The following KCTD7 variants were observed in gnomAD, a reference collection of about 807,000 sequenced individuals.
The protein encoded by KCTD7 is potassium channel tetramerization domain containing 7.
KCTD7 carries 15 observed loss-of-function variants against 27.0 expected under a neutral mutation model. The observed-to-expected ratio is 0.56, with a 90% CI of 0.37 to 0.86. KCTD7 has a LOEUF of 0.86. Ranked by LOEUF, KCTD7 falls within the 40% of genes least tolerant of loss-of-function variation. KCTD7 has a pLI of 0.00. For missense variants in KCTD7, 299 were observed against 398.9 expected, an observed-to-expected ratio of 0.75 and a Z score of 2.13; for synonymous variants, 159 against 162.7, an observed-to-expected ratio of 0.98 and a Z score of 0.17.
At position 66,638,708 on chromosome 7, in the gene KCTD7, C is replaced by G. The variant is rs1786642257; in HGVS notation, c.494-148C>G. On this transcript the variant is annotated intron_variant, in intron 3 of 3. Transcript: ENST00000639828. ...ACCGTGACCCTTGTTTAAGTTTGTGCCCTTCATTGGCCCCCTGAGTCCCTT... is the reference window on the plus strand; with the variant it reads ...ACCGTGACCCTTGTTTAAGTTTGTGGCCTTCATTGGCCCCCTGAGTCCCTT... 7 of 982,944 alleles carry G rather than the reference C, an allele frequency of 7.1e-6. No individual in the cohort carries two copies. In the Admixed American group the frequency reaches 1.1e-4, roughly 16 times the overall value. 60.9% of individuals were successfully genotyped at this position (982,944 alleles called of 1,614,324 possible).
In KCTD7 at chr7:66,638,998, T is replaced by A. The variant is rs752360120; in HGVS notation, c.636T>A (p.Phe212Leu). 16 of 1,614,202 alleles carry A rather than the reference T, an allele frequency of 9.9e-6. No individual in the cohort carries two copies. The highest frequency in any genetic ancestry group is 1.2e-5 in the Non-Finnish European group (14 of 1,180,036). The change falls in exon 4 of 4, where the codon TTT (phenylalanine) becomes TTA (leucine). Residue 212 changes from phenylalanine to leucine, a missense_variant. By Grantham distance (22) the Phe-to-Leu change is conservative. Coordinates refer to ENST00000639828, the MANE Select transcript of KCTD7 (RefSeq NM_153033.5). ...GTCCGCTCCTCAACTCCCTGCGATT[T>A]GAGCGGAGTGAGAGTGACGGGCAGC... The part of the protein sequence containing the change: ...YECPLLNSLR[F>L]ERSESDGQLF...
At chr7:66,634,184 G>A (rs1384173062) in intron 2 of KCTD7, among the ~76,000 whole-genome samples, 1 of 114,682 alleles carries the variant, frequency 8.7e-6, no homozygotes, top group Admixed American at 9.2e-5. Flanking sequence ...TGGTCTTGAT[G>A]TGTGTGATTC....
At chr7:66,634,113 C>CATAT (rs3069693) in intron 2 of KCTD7, among the ~76,000 whole-genome samples, 38,380 of 131,932 alleles carry the variant, frequency 0.29, 5,896 homozygotes, top group Non-Finnish European at 0.33. Flanking sequence ...TGTGTGTATA[C>CATAT]ATATATATAT....
chr7:66,638,576 C>T lies in KCTD7; in HGVS notation c.493+145C>T, dbSNP rs554855474. ...ATGGAGTGTCATCCCTTCCCAGTCA[C>T]GCTGGGGAGATTCAGGTTAAGGTGG... On this transcript the variant is annotated intron_variant, in intron 3 of 3. Coordinates refer to ENST00000639828, the MANE Select transcript of KCTD7 (RefSeq NM_153033.5). 25 of 968,942 alleles carry T rather than the reference C, an allele frequency of 2.6e-5. No homozygotes were observed. The Admixed American group carries it at 2.6e-4, about 10-fold the overall frequency. 60.0% of individuals were successfully genotyped at this position (968,942 alleles called of 1,614,324 possible). A position where few individuals can be genotyped will look rare whatever the true frequency, so the allele number is the denominator to read the frequency against.
rs1337077651 is a variant in KCTD7 at position 66,638,977 on chromosome 7, G to A, written c.615G>A (p.Pro205=). The A allele has an allele frequency of 1.2e-5, 19 of 1,614,050 alleles. No homozygotes were observed. The highest frequency in any genetic ancestry group is 4.5e-5 in the East Asian group (2 of 44,898). The part of the protein sequence containing the change: ...EEMPITPYEC[P]LLNSLRFERS... ...TGCCCATCACCCCCTATGAGTGTCC[G>A]CTCCTCAACTCCCTGCGATTTGAGC... Residue 205 remains proline (P), a synonymous_variant, in exon 4 of 4, where the codon CCG becomes CCA. Transcript: ENST00000639828.
chr7:66,640,416 A>ATCTGTTACTACTGCATTTCCTTCTTGC lies in KCTD7; in HGVS notation c.*1190_*1216dup, dbSNP rs1786689257. ...CAGAAATTGAAAAAGATCCCCAAGGATCTGTTACTACTGCATTTCCTTCTT... is the reference window on the plus strand; with the variant it reads ...CAGAAATTGAAAAAGATCCCCAAGGATCTGTTACTACTGCATTTCCTTCTTGCTCTGTTACTACTGCATTTCCTTCTT... On this transcript the variant is annotated 3_prime_UTR_variant, in exon 4 of 4. Transcript: ENST00000639828. 6.5e-6 allele frequency: 10 copies of ATCTGTTACTACTGCATTTCCTTCTTGC among 1,537,222 alleles called. No homozygotes were observed. Among genetic ancestry groups the ATCTGTTACTACTGCATTTCCTTCTTGC allele is most frequent in the African/African-American group, 1.4e-5 (1 of 73,036 alleles).
chr7:66,637,058 A>G (rs1404877973), intron 2 of KCTD7, among the ~76,000 whole-genome samples: 1 of 152,152 alleles, frequency 6.6e-6, no homozygotes, highest in Non-Finnish European at 1.5e-5. Flanking sequence ...CTTAAAAGAA[A>G]TTTGTGCTTG....
At chr7:66,632,838 T>A (rs1049507822) in intron 1 of KCTD7, among the ~76,000 whole-genome samples, 1 of 151,560 alleles carries the variant, frequency 6.6e-6, no homozygotes, top group Non-Finnish European at 1.5e-5. Context: ...GGTCAGGAGA[T>A]CGAGACCATC....
In KCTD7 at chr7:66,639,286, G is replaced by T; in HGVS notation, c.*54G>T. 1 of 1,600,732 alleles carries T rather than the reference G, an allele frequency of 6.2e-7. No individual in the cohort carries two copies. The highest frequency in any genetic ancestry group is 8.5e-7 in the Non-Finnish European group (1 of 1,179,892). ...GGGAGGATGTCCACCTTGCTTGGTGGCTCTGGGAGTAAGATCCCTGAAGGG... is the reference window on the plus strand; with the variant it reads ...GGGAGGATGTCCACCTTGCTTGGTGTCTCTGGGAGTAAGATCCCTGAAGGG... On this transcript the variant is annotated 3_prime_UTR_variant, in exon 4 of 4. Coordinates refer to ENST00000639828, the MANE Select transcript of KCTD7 (RefSeq NM_153033.5).
chr7:66,629,120 C>A lies in KCTD7; in HGVS notation c.56C>A (p.Ser19Tyr). The change falls in exon 1 of 4, where the codon TCC becomes TAC. Residue 19 changes from serine to tyrosine, a missense_variant. Transcript: ENST00000639828. ...PDSRRQDGAM[S>Y]SSDAEDDFLE... ...AGCCGTCGTCAGGACGGTGCCATGT[C>A]CAGCTCTGACGCCGAAGACGACTTT... The A allele has an allele frequency of 6.5e-7, 1 of 1,538,686 alleles. No individual in the cohort carries two copies. Among genetic ancestry groups the A allele is most frequent in the Admixed American group, 2.0e-5 (1 of 50,434 alleles).
At chr7:66,638,620 A>G (rs1194436387) in intron 3 of KCTD7, 189 bp downstream of exon 3, 2 of 788,022 alleles carry the variant, frequency 2.5e-6, no homozygotes, top group East Asian at 5.4e-5. Flanking sequence ...GGCCTATGAC[A>G]GTTAGCAAAT....
In KCTD7 at chr7:66,641,117, G is replaced by A; in HGVS notation, c.*1885G>A. The A allele has an allele frequency of 1.0e-6, 1 of 985,402 alleles. No individual in the cohort carries two copies. The allele number at this position is 985,402 out of a possible 1,614,324, so 61.0% of individuals were successfully genotyped here. A position where few individuals can be genotyped will look rare whatever the true frequency, so the allele number is the denominator to read the frequency against. ...TACTGAGATCTAAGAGGAAAGGATA[G>A]TCATTCACGTTCTGAGATATGCGCT... On this transcript the variant is annotated 3_prime_UTR_variant, in exon 4 of 4. Transcript: ENST00000639828.
Position 66,640,039 on chromosome 7 carries a change from CT to C in KCTD7, c.*808del. Reference sequence around the variant, plus strand: ...TCCCCAAGTCAAGCAGGCAAGATGCCTAGATCTTCTGTTATCTTTGACATGT... The same window carrying C: ...TCCCCAAGTCAAGCAGGCAAGATGCCAGATCTTCTGTTATCTTTGACATGT... On this transcript the variant is annotated 3_prime_UTR_variant, in exon 4 of 4. Transcript: ENST00000639828. 1 of 1,266,806 alleles carries C rather than the reference CT, an allele frequency of 7.9e-7. No individual in the cohort carries two copies. Among genetic ancestry groups the C allele is most frequent in the Non-Finnish European group, 9.9e-7 (1 of 1,010,146 alleles). The allele number at this position is 1,266,806 out of a possible 1,614,324, so 78.5% of individuals were successfully genotyped here.
intron 2 of KCTD7, among the ~76,000 whole-genome samples, chr7:66,634,929 T>C (rs1280701365): frequency 2.6e-5 from 4 of 151,946 alleles, no homozygotes; most frequent in East Asian, 1.9e-4. Context: ...GGTGGGAGGA[T>C]TGGTTGAGCT....
chr7:66,629,607 G>A (rs1003576990), intron 1 of KCTD7, among the ~76,000 whole-genome samples: 12 of 152,116 alleles, frequency 7.9e-5, no homozygotes, highest in Non-Finnish European at 1.3e-4. Flanking sequence ...CACATTGGGA[G>A]GGAGGATCGC....
rs1007276581 is a variant in KCTD7 at position 66,629,145 on chromosome 7, T to C, written c.81T>C (p.Phe27=). 2 of 1,531,698 alleles carry C rather than the reference T, an allele frequency of 1.3e-6. No homozygotes were observed. Among genetic ancestry groups the C allele is most frequent in the Non-Finnish European group, 1.8e-6 (2 of 1,140,884 alleles). The allele number at this position is 1,531,698 out of a possible 1,614,324, so 94.9% of individuals were successfully genotyped here. A position where few individuals can be genotyped will look rare whatever the true frequency, so the allele number is the denominator to read the frequency against. Reference sequence around the variant, plus strand: ...CCAGCTCTGACGCCGAAGACGACTTTCTGGAGCCGGCCACGCCGACGGCCA... The same window carrying C: ...CCAGCTCTGACGCCGAAGACGACTTCCTGGAGCCGGCCACGCCGACGGCCA... ...AMSSSDAEDD[F]LEPATPTATQ... is the part of the protein sequence containing the mutation. The change falls in exon 1 of 4, where the codon TTT becomes TTC. Residue 27 remains phenylalanine, a synonymous_variant. Transcript: ENST00000639828.
intron 2 of KCTD7, among the ~76,000 whole-genome samples, chr7:66,637,593 C>T (rs1376939639): frequency 6.6e-6 from 1 of 151,982 alleles, no homozygotes; most frequent in Admixed American, 6.6e-5. Flanking sequence ...GGATACATTT[C>T]AAAAACATTA....
chr7:66,639,630 C>G lies in KCTD7; in HGVS notation c.*398C>G, dbSNP rs1455824704. 6.7e-6 allele frequency: 9 copies of G among 1,339,712 alleles called. No homozygotes were observed. Among genetic ancestry groups the G allele is most frequent in the Non-Finnish European group, 6.7e-6 (7 of 1,042,184 alleles). The allele number at this position is 1,339,712 out of a possible 1,614,324, so 83.0% of individuals were successfully genotyped here. ...GCCTAATCACTTCCTCAACCCTGTT[C>G]AAGCGTCCCTCCCTTGTGCTCAGTA... On this transcript the variant is annotated 3_prime_UTR_variant, in exon 4 of 4. Transcript: ENST00000639828.
Position 66,639,599 on chromosome 7 carries a change from A to T in KCTD7, c.*367A>T. The T allele has an allele frequency of 3.0e-6, 4 of 1,349,482 alleles. No individual in the cohort carries two copies. The highest frequency in any genetic ancestry group is 2.9e-6 in the Non-Finnish European group (3 of 1,046,494). 83.6% of individuals were successfully genotyped at this position (1,349,482 alleles called of 1,614,324 possible). ...ATTTTAGAGCCACGTTACCAAATCGATGTAGGCCTAATCACTTCCTCAACC... is the reference window on the plus strand; with the variant it reads ...ATTTTAGAGCCACGTTACCAAATCGTTGTAGGCCTAATCACTTCCTCAACC... On this transcript the variant is annotated 3_prime_UTR_variant, in exon 4 of 4. Coordinates refer to ENST00000639828, the MANE Select transcript of KCTD7 (RefSeq NM_153033.5).
Sources: allele counts gnomAD v4.1 joint callset (sites outside exome capture counted in the v4.1 genomes callset), GRCh38; gene constraint gnomAD v4.1.1; transcripts MANE v1.5; gene names NCBI Gene and HGNC (gene_info 2026-07-23, HGNC 2026-07-21).